The following OSBPL3 variants were observed in gnomAD, a reference collection of about 807,000 sequenced individuals.
The protein encoded by OSBPL3 is oxysterol binding protein like 3.
In OSBPL3, 65 loss-of-function variants were observed where a neutral mutation model predicts 120.1. That is an observed-to-expected ratio of 0.54 (90% CI 0.44 to 0.67). The LOEUF is 0.67. Ranked by LOEUF, OSBPL3 falls within the 30% of genes least tolerant of loss-of-function variation. The pLI is 0.00. For missense variants in OSBPL3, 1,004 were observed against 1,082.1 expected, an observed-to-expected ratio of 0.93 and a Z score of 1.01; for synonymous variants, 416 against 402.6, an observed-to-expected ratio of 1.03 and a Z score of -0.40.
intron 1 of OSBPL3, among the ~76,000 whole-genome samples, chr7:24,921,634 T>C (rs979046259): frequency 1.4e-4 from 21 of 152,104 alleles, no homozygotes; most frequent in Non-Finnish European, 2.9e-4. Context: ...TACCTCTCAG[T>C]TACCCTAAAC....
intron 1 of OSBPL3, among the ~76,000 whole-genome samples, chr7:24,905,119 C>G (rs919756163): frequency 1.4e-5 from 2 of 145,472 alleles, no homozygotes; most frequent in African/African-American, 4.9e-5. Flanking sequence ...GGACACATAG[C>G]CAGAGCCAGA....
chr7:24,895,338 A>G (rs1224812989), intron 1 of OSBPL3, among the ~76,000 whole-genome samples: 1 of 152,184 alleles, frequency 6.6e-6, no homozygotes, highest in Non-Finnish European at 1.5e-5. Flanking sequence ...TGCCTGCAGT[A>G]TTCAGGACAG....
rs1799171747 is a variant in OSBPL3 at position 24,851,702 on chromosome 7, A to G, written c.1158+802T>C. ...AAAAGCAAATCAGTATGCTATTTCAAAAGTTCTCTAGCCTCCTGATAGATT... is the reference window on the plus strand; with the variant it reads ...AAAAGCAAATCAGTATGCTATTTCAGAAGTTCTCTAGCCTCCTGATAGATT... On this transcript the variant is annotated intron_variant, in intron 11 of 22. Coordinates refer to ENST00000313367, the MANE Select transcript of OSBPL3 (RefSeq NM_015550.4). This position sits in a 1 kb window ranked among gnomAD's most constrained non-coding sequence, Gnocchi z 4.1. Among the ~76,000 whole-genome samples, 5 of 152,082 alleles carry G rather than the reference A, an allele frequency of 3.3e-5. No individual in the cohort carries two copies. Among genetic ancestry groups the G allele is most frequent in the Admixed American group, 2.0e-4 (3 of 15,234 alleles).
chr7:24,834,282 C>A lies in OSBPL3; in HGVS notation c.1746+204G>T. ...GGCACCAAGTGCCACGGAGAAGCAC[C>A]CCAACCCCGTCTCCAAATCCTCACA... On this transcript the variant is annotated intron_variant, in intron 15 of 22. Transcript: ENST00000313367. This position sits in a 1 kb window ranked among gnomAD's most constrained non-coding sequence, Gnocchi z 5.2. The A allele has an allele frequency of 7.1e-7, 1 of 1,402,670 alleles. No individual in the cohort carries two copies. The allele number at this position is 1,402,670 out of a possible 1,614,324, so 86.9% of individuals were successfully genotyped here.
rs867622612 is a variant in OSBPL3 at position 24,851,002 on chromosome 7, G to A, written c.1158+1502C>T. Among the ~76,000 whole-genome samples, 1 of 152,148 alleles carries A rather than the reference G, an allele frequency of 6.6e-6. No individual in the cohort carries two copies. The highest frequency in any genetic ancestry group is 1.5e-5 in the Non-Finnish European group (1 of 68,040). On this transcript the variant is annotated intron_variant, in intron 11 of 22. Transcript: ENST00000313367. The surrounding 1 kb of genome is among the most constrained non-coding windows in gnomAD (Gnocchi z 4.1). Reference sequence around the variant, plus strand: ...CCTTAGTGAAGGTGAGAACAGCCTTGGCCTAGGATACCACAGCCAAATAGG... The same window carrying A: ...CCTTAGTGAAGGTGAGAACAGCCTTAGCCTAGGATACCACAGCCAAATAGG...
In OSBPL3 at chr7:24,817,338, G is replaced by A. The variant is rs1029808546; in HGVS notation, c.1949-650C>T. ...TCGAGACCAGCACAGCCAACATGGCGAAACCCCTTCTCTATTAAAAATACA... is the reference window on the plus strand; with the variant it reads ...TCGAGACCAGCACAGCCAACATGGCAAAACCCCTTCTCTATTAAAAATACA... On this transcript the variant is annotated intron_variant, in intron 17 of 22. Coordinates refer to ENST00000313367, the MANE Select transcript of OSBPL3 (RefSeq NM_015550.4). The surrounding 1 kb of genome is among the most constrained non-coding windows in gnomAD (Gnocchi z 4.0). 2.0e-5 allele frequency among the ~76,000 whole-genome samples: 3 copies of A among 152,100 alleles called. No individual in the cohort carries two copies. The highest frequency in any genetic ancestry group is 2.1e-4 in the South Asian group (1 of 4,824).
chr7:24,864,138 G>A (rs1800976171), intron 7 of OSBPL3, among the ~76,000 whole-genome samples: 2 of 152,168 alleles, frequency 1.3e-5, no homozygotes, highest in Admixed American at 1.3e-4. Context: ...GGACCTGCCT[G>A]AGGACCATAA....
chr7:24,956,878 TA>T (rs1435837043), intron 1 of OSBPL3, among the ~76,000 whole-genome samples: 11 of 152,230 alleles, frequency 7.2e-5, no homozygotes, highest in African/African-American at 2.7e-4. Context: ...AATTCCTTTT[TA>T]AAATGTGTTC....
At position 24,871,913 on chromosome 7, in the gene OSBPL3, G is replaced by T; in HGVS notation, c.213+40C>A. 6.8e-7 allele frequency: 1 copy of T among 1,478,254 alleles called. No individual in the cohort carries two copies. The highest frequency in any genetic ancestry group is 9.5e-7 in the Non-Finnish European group (1 of 1,056,130). The allele number at this position is 1,478,254 out of a possible 1,614,324, so 91.6% of individuals were successfully genotyped here. ...TAAGAACCAGGTGCTGAGTGGGGCA[G>T]TGTGAGTGCAAATAAAGGGGAGGCC... On this transcript the variant is annotated intron_variant, in intron 3 of 22. Transcript: ENST00000313367. The surrounding 1 kb of genome is among the most constrained non-coding windows in gnomAD (Gnocchi z 4.8).
In OSBPL3 at chr7:24,806,376, T is replaced by C. The variant is rs1185203151; in HGVS notation, c.2444+400A>G. 6.6e-6 allele frequency among the ~76,000 whole-genome samples: 1 copy of C among 152,186 alleles called. No homozygotes were observed. Among genetic ancestry groups the C allele is most frequent in the Non-Finnish European group, 1.5e-5 (1 of 68,042 alleles). On this transcript the variant is annotated intron_variant, in intron 21 of 22. Coordinates refer to ENST00000313367, the MANE Select transcript of OSBPL3 (RefSeq NM_015550.4). This position sits in a 1 kb window ranked among gnomAD's most constrained non-coding sequence, Gnocchi z 5.2. ...CCAGGAAAGATGAAAAGACCTACCA[T>C]ATATCACACACCTTGTGAGCAGCAA...
chr7:24,907,687 T>A (rs1306905681), intron 1 of OSBPL3, among the ~76,000 whole-genome samples: 2 of 152,196 alleles, frequency 1.3e-5, no homozygotes, highest in Non-Finnish European at 2.9e-5. Context: ...CAGCATTGCC[T>A]TTTCCATGAA....
At chr7:24,974,643 C>T (rs1008936687) in intron 1 of OSBPL3, among the ~76,000 whole-genome samples, 1 of 152,076 alleles carries the variant, frequency 6.6e-6, no homozygotes, top group African/African-American at 2.4e-5. Flanking sequence ...TATATACATA[C>T]AATGGGGTAT....
chr7:24,885,779 C>T (rs1804439172), intron 2 of OSBPL3, among the ~76,000 whole-genome samples: 2 of 152,188 alleles, frequency 1.3e-5, no homozygotes, highest in Admixed American at 1.3e-4. Context: ...TATATCCCTG[C>T]TCAGGGCCTT....
intron 10 of OSBPL3, among the ~76,000 whole-genome samples, chr7:24,859,136 T>C (rs1485436902): frequency 6.6e-6 from 1 of 152,098 alleles, no homozygotes; most frequent in African/African-American, 2.4e-5. Context: ...AAGGATGAAA[T>C]GGTTTCCTTA....
Position 24,891,212 on chromosome 7 carries a change from A to AT in OSBPL3, c.96+1164dup, listed in dbSNP as rs35524056. Among the ~76,000 whole-genome samples, 114 of 146,920 alleles carry AT rather than the reference A, an allele frequency of 7.8e-4. 1 individual carries two copies. The highest frequency in any genetic ancestry group is 3.5e-3 in the Middle Eastern group (1 of 284). On this transcript the variant is annotated intron_variant, in intron 2 of 22. Coordinates refer to ENST00000313367, the MANE Select transcript of OSBPL3 (RefSeq NM_015550.4). The surrounding 1 kb of genome is among the most constrained non-coding windows in gnomAD (Gnocchi z 4.1). ...CAATGACTAATTTTAGTCTTTTCTT[A>AT]TTTTTTTTTTTTTTAATTCCAGAAG...
Position 24,834,535 on chromosome 7 carries a change from C to G in OSBPL3, c.1697G>C (p.Ser566Thr). 1.2e-6 allele frequency: 2 copies of G among 1,614,032 alleles called. No individual in the cohort carries two copies. Among genetic ancestry groups the G allele is most frequent in the South Asian group, 1.1e-5 (1 of 91,062 alleles). ...CTGCGCGGCCTTGTCCAGGAGCTCG[C>G]TGTACTCCAGCTCCTCGCAGAGCCT... is the stretch of plus-strand genomic sequence containing the variant. Reference protein sequence around the residue: ...LQRLCEELEYSELLDKAAQIP... With the variant: ...LQRLCEELEYTELLDKAAQIP... The change falls in exon 15 of 23, where the codon AGC (serine) becomes ACC (threonine). Residue 566 changes from serine (S) to threonine (T), a missense_variant. Ser to Thr is a moderately conservative substitution (Grantham distance 58, BLOSUM62 1). Coordinates refer to ENST00000313367, the MANE Select transcript of OSBPL3 (RefSeq NM_015550.4). The surrounding 1 kb of genome is among the most constrained non-coding windows in gnomAD (Gnocchi z 5.2).
At chr7:24,928,484 C>T (rs891956215) in intron 1 of OSBPL3, among the ~76,000 whole-genome samples, 3 of 152,178 alleles carry the variant, frequency 2.0e-5, no homozygotes, top group African/African-American at 7.2e-5. Flanking sequence ...AGCCACCGTG[C>T]CCGGCCACCT....
chr7:24,845,151 A>G (rs1451355236), intron 12 of OSBPL3, among the ~76,000 whole-genome samples: 1 of 152,072 alleles, frequency 6.6e-6, no homozygotes, highest in Admixed American at 6.6e-5. Context: ...AATTACACCA[A>G]CAAGTAAGGA....
At chr7:24,860,865 A>G (rs1800436396) in intron 10 of OSBPL3, among the ~76,000 whole-genome samples, 1 of 152,228 alleles carries the variant, frequency 6.6e-6, no homozygotes, top group Non-Finnish European at 1.5e-5. Flanking sequence ...TCTTTGGCCA[A>G]TACAAATAAA....
Sources: allele counts gnomAD v4.1 joint callset (sites outside exome capture counted in the v4.1 genomes callset), GRCh38; gene constraint gnomAD v4.1.1; non-coding constraint Gnocchi (gnomAD v3.1); transcripts MANE v1.5; gene names NCBI Gene and HGNC (gene_info 2026-07-23, HGNC 2026-07-21).